PRKG1: variants seen among roughly 807,000 people sequenced by gnomAD.
PRKG1 encodes protein kinase cGMP-dependent 1.
Under a neutral mutation model 88.1 loss-of-function variants are expected in PRKG1, and 35 were observed. The ratio of observed to expected loss-of-function variants is 0.40; its 90% CI spans 0.30 to 0.53. The LOEUF is 0.53. Ranked by LOEUF, PRKG1 falls within the 20% of genes least tolerant of loss-of-function variation. The pLI is 0.59. For synonymous variants in PRKG1, 303 were observed against 292.5 expected (o/e 1.04, Z -0.37); for missense variants, 540 against 839.8 (o/e 0.64, Z 4.41).
chr10:51,027,904 T>C (rs1003104919), intron 1 of PRKG1, among the ~76,000 whole-genome samples: 1 of 152,206 alleles, frequency 6.6e-6, no homozygotes, highest in Admixed American at 6.6e-5. Flanking sequence ...TTTTAAAATA[T>C]CAAACTGAAA....
chr10:51,004,816 T>C (rs1305693798), intron 1 of PRKG1, among the ~76,000 whole-genome samples: 1 of 152,204 alleles, frequency 6.6e-6, no homozygotes, highest in African/African-American at 2.4e-5. Context: ...ACTGTATCTA[T>C]TGCTCTTAAA....
rs1554810291 is a variant in PRKG1, at chr10:52,150,183, A to ATTATTATTATT, written c.1002-11706_1002-11705insTTATTATTATT. Among the ~76,000 whole-genome samples, 270 of 147,986 alleles carry ATTATTATTATT rather than the reference A, an allele frequency of 1.8e-3. 1 individual carries two copies. The highest frequency in any genetic ancestry group is 6.1e-3 in the African/African-American group (244 of 40,054). ...TAATAATAATAATAATAATAATAAT[A>ATTATTATTATT]ATTTGATTGGCCATAAGGGCAGGAT... On this transcript the variant is annotated intron_variant, in intron 8 of 17. Coordinates refer to ENST00000373980, the MANE Select transcript of PRKG1 (RefSeq NM_006258.4).
chr10:51,261,043 G>T (rs1269468153), intron 2 of PRKG1, among the ~76,000 whole-genome samples: 1 of 152,108 alleles, frequency 6.6e-6, no homozygotes, highest in Non-Finnish European at 1.5e-5. Flanking sequence ...ATTTTCAAGG[G>T]ATTGGAACAT....
At chr10:51,769,280 G>C (rs139695445) in intron 3 of PRKG1, among the ~76,000 whole-genome samples, 57 of 152,284 alleles carry the variant, frequency 3.7e-4, no homozygotes, top group African/African-American at 1.1e-3. Flanking sequence ...TACTGCATTA[G>C]AGACAGATGG....
At chr10:51,587,202 T>G (rs1838194373) in intron 3 of PRKG1, among the ~76,000 whole-genome samples, 1 of 152,132 alleles carries the variant, frequency 6.6e-6, no homozygotes, top group South Asian at 2.1e-4. Flanking sequence ...TAAATACTCA[T>G]AGAGAGACCA....
chr10:51,011,530 A>T (rs889105342), intron 1 of PRKG1, among the ~76,000 whole-genome samples: 6 of 152,250 alleles, frequency 3.9e-5, no homozygotes, highest in Admixed American at 2.0e-4. Flanking sequence ...GAAAAGATTT[A>T]GGATTTGTCT....
rs552625576 is a variant in PRKG1, at chr10:51,678,040, C to A, written c.593-126545C>A. ...GAATTAAAGATCAGTCTTTTGTTCT[C>A]ATTGTTGGCACATTTAGCCACTTGA... is the stretch of plus-strand genomic sequence containing the variant. On this transcript the variant is annotated intron_variant, in intron 3 of 17. Coordinates refer to ENST00000373980, the MANE Select transcript of PRKG1 (RefSeq NM_006258.4). Among the ~76,000 whole-genome samples, 16 of 152,224 alleles carry A rather than the reference C, an allele frequency of 1.1e-4. No individual in the cohort carries two copies. The East Asian group carries it at 3.1e-3, about 29-fold the overall frequency.
intron 9 of PRKG1, among the ~76,000 whole-genome samples, chr10:52,200,551 T>C (rs1266315380): frequency 1.3e-5 from 2 of 152,204 alleles, no homozygotes; most frequent in Non-Finnish European, 2.9e-5. Context: ...GTAGAACAAT[T>C]TATATTCCTT....
At chr10:51,853,693 T>C (rs897805415) in intron 4 of PRKG1, among the ~76,000 whole-genome samples, 4 of 152,160 alleles carry the variant, frequency 2.6e-5, no homozygotes, top group Admixed American at 6.5e-5. Flanking sequence ...TCATGGGATT[T>C]GGCATTTTAT....
At chr10:51,415,910 AGTGTGTGTGT>A (rs71459419) in intron 2 of PRKG1, among the ~76,000 whole-genome samples, 2 of 147,128 alleles carry the variant, frequency 1.4e-5, no homozygotes, top group Admixed American at 6.8e-5. Context: ...TAGAGCTTCC[AGTGTGTGTGT>A]GTGTGTGTGT....
intron 5 of PRKG1, among the ~76,000 whole-genome samples, chr10:52,051,643 G>T (rs531731347): frequency 6.6e-6 from 1 of 152,288 alleles, no homozygotes; most frequent in African/African-American, 2.4e-5. Context: ...AGGTATGAGA[G>T]CCAGCTAGTC....
In PRKG1 at chr10:51,710,082, A is replaced by G. The variant is rs148131663; in HGVS notation, c.593-94503A>G. Among the ~76,000 whole-genome samples the G allele has an allele frequency of 3.1e-3, 479 of 152,322 alleles. 3 individuals are homozygous for G. Among genetic ancestry groups the G allele is most frequent in the African/African-American group, 0.011 (444 of 41,568 alleles). On this transcript the variant is annotated intron_variant, in intron 3 of 17. Coordinates refer to ENST00000373980, the MANE Select transcript of PRKG1 (RefSeq NM_006258.4). ...TATGGGAGTTTAAATGTGAACGAAAATGTGACTTCTCTTTTCAGTAGTACT... is the reference window on the plus strand; with the variant it reads ...TATGGGAGTTTAAATGTGAACGAAAGTGTGACTTCTCTTTTCAGTAGTACT...
At chr10:51,742,541 A>G (rs543283703) in intron 3 of PRKG1, among the ~76,000 whole-genome samples, 3 of 152,318 alleles carry the variant, frequency 2.0e-5, no homozygotes, top group Non-Finnish European at 4.4e-5. Context: ...GAAAGAGGTA[A>G]GACCCTCAGC....
intron 5 of PRKG1, among the ~76,000 whole-genome samples, chr10:51,934,257 C>CA (rs1554857092): frequency 0.021 from 3,183 of 149,840 alleles, 99 homozygotes; most frequent in African/African-American, 0.07. Flanking sequence ...CACACATACC[C>CA]CCCCCCCAAC....
chr10:51,505,184 G>C (rs1841158446), intron 3 of PRKG1, among the ~76,000 whole-genome samples: 1 of 152,100 alleles, frequency 6.6e-6, no homozygotes, highest in Non-Finnish European at 1.5e-5. Flanking sequence ...AGCATGAAGG[G>C]TTGTTGAATT....
chr10:51,537,098 G>A (rs1391288091), intron 3 of PRKG1, among the ~76,000 whole-genome samples: 1 of 152,138 alleles, frequency 6.6e-6, no homozygotes, highest in African/African-American at 2.4e-5. Flanking sequence ...GCCAATAGCA[G>A]CTAGATGTGC....
At chr10:51,813,829 C>T (rs1839517416) in intron 4 of PRKG1, among the ~76,000 whole-genome samples, 1 of 152,128 alleles carries the variant, frequency 6.6e-6, no homozygotes. Context: ...CAGTGCCCTC[C>T]TCCCAAACCT....
chr10:51,985,064 T>G (rs932891224), intron 5 of PRKG1, among the ~76,000 whole-genome samples: 19 of 152,338 alleles, frequency 1.2e-4, no homozygotes, highest in African/African-American at 4.6e-4. Context: ...ACATATATTT[T>G]TAGGCAATAG....
chr10:51,099,621 G>A (rs1180836046), intron 1 of PRKG1, among the ~76,000 whole-genome samples: 1 of 152,070 alleles, frequency 6.6e-6, no homozygotes, highest in African/African-American at 2.4e-5. Flanking sequence ...CTATATTGAG[G>A]TATTTTTTTT....
Sources: gnomAD v4.1 joint callset for allele counts (sites outside exome capture counted in the v4.1 genomes callset) on GRCh38, gnomAD v4.1.1 for gene constraint, MANE v1.5 for transcripts, NCBI Gene and HGNC (gene_info 2026-07-23, HGNC 2026-07-21) for gene names.